Variants in NALF1 observed in about 807,000 individuals in gnomAD.
NALF1 encodes family with sequence similarity 155 member A.
In NALF1, 3 loss-of-function variants were observed where a neutral mutation model predicts 48.4. The observed-to-expected ratio is 0.06, with a 90% confidence interval of 0.03 to 0.16. The LOEUF is 0.16. Ranked by LOEUF, NALF1 falls within the 10% of genes least tolerant of loss-of-function variation. NALF1 has a pLI of 1.00. For synonymous variants in NALF1, 262 were observed against 245.7 expected (o/e 1.07, Z -0.62); for missense variants, 526 against 571.5 (o/e 0.92, Z 0.81).
At chr13:107,714,612 G>A (rs1191407744) in intron 1 of NALF1, among the ~76,000 whole-genome samples, 1 of 75,360 alleles carries the variant, frequency 1.3e-5, no homozygotes, top group African/African-American at 4.4e-5. Context: ...CTGGGTGACA[G>A]AGTGAGGCTT....
chr13:107,250,771 A>T (rs924339315), intron 1 of NALF1, among the ~76,000 whole-genome samples: 4 of 152,040 alleles, frequency 2.6e-5, no homozygotes, highest in African/African-American at 4.8e-5. Flanking sequence ...GTGTTGGAGG[A>T]GGGGCCTAGT....
rs1052843325 is a variant in NALF1, at chr13:107,454,972, C to T, written c.916-244217G>A. Among the ~76,000 whole-genome samples, 5 of 152,102 alleles carry T rather than the reference C, an allele frequency of 3.3e-5. No homozygotes were observed. In the East Asian group the frequency reaches 9.6e-4, roughly 29 times the overall value. The stretch of plus-strand genomic sequence containing the variant: ...ATTGATATGGTTCGACTTTGTGTCC[C>T]ACCCACATTTCATCTCAAACATTAA... On this transcript the variant is annotated intron_variant, in intron 1 of 2. Transcript: ENST00000375915.
At chr13:107,739,337 T>A (rs1307098114) in intron 1 of NALF1, among the ~76,000 whole-genome samples, 1 of 148,844 alleles carries the variant, frequency 6.7e-6, no homozygotes, top group African/African-American at 2.4e-5. Flanking sequence ...AAAATATATA[T>A]ATTTTTCATA....
At chr13:107,681,433 C>G (rs1332079508) in intron 1 of NALF1, among the ~76,000 whole-genome samples, 1 of 152,018 alleles carries the variant, frequency 6.6e-6, no homozygotes, top group African/African-American at 2.4e-5. Flanking sequence ...CTGTCGCTCC[C>G]TAATTGCCCT....
intron 2 of NALF1, among the ~76,000 whole-genome samples, chr13:107,189,440 T>C (rs1433774819): frequency 1.3e-5 from 2 of 152,202 alleles, no homozygotes; most frequent in Admixed American, 6.5e-5. Flanking sequence ...CCCCCTCTAA[T>C]GAACCCTTAG....
chr13:107,186,178 C>T (rs1016228971), intron 2 of NALF1, among the ~76,000 whole-genome samples: 4 of 152,090 alleles, frequency 2.6e-5, no homozygotes, highest in Non-Finnish European at 5.9e-5. Context: ...TTGGTACTAA[C>T]TATACATAGC....
chr13:107,448,139 T>C (rs1166922258), intron 1 of NALF1, among the ~76,000 whole-genome samples: 3 of 152,180 alleles, frequency 2.0e-5, no homozygotes, highest in Non-Finnish European at 2.9e-5. Flanking sequence ...CTGCTCTTTC[T>C]TGAGTTCTAC....
chr13:107,734,455 G>T (rs1876408143), intron 1 of NALF1, among the ~76,000 whole-genome samples: 1 of 151,430 alleles, frequency 6.6e-6, no homozygotes. Context: ...AAAGAACCCA[G>T]AGTTAGATGC....
At chr13:107,733,416 T>G (rs1430528325) in intron 1 of NALF1, among the ~76,000 whole-genome samples, 1 of 152,204 alleles carries the variant, frequency 6.6e-6, no homozygotes, top group Non-Finnish European at 1.5e-5. Flanking sequence ...CAGAATGGCT[T>G]AAATCTTAGT....
chr13:107,540,681 T>C lies in NALF1; in HGVS notation c.915+325001A>G, dbSNP rs1044055957. ...ATTAGGAGTAAAAATCATTTAGTCT[T>C]CTCCTGCACTCTAAACATTTTATAC... On this transcript the variant is annotated intron_variant, in intron 1 of 2. Transcript: ENST00000375915. Among the ~76,000 whole-genome samples the C allele has an allele frequency of 2.6e-5, 4 of 152,094 alleles. No homozygotes were observed. The East Asian group carries it at 7.7e-4, about 29-fold the overall frequency.
At chr13:107,649,310 C>T (rs1249496366) in intron 1 of NALF1, among the ~76,000 whole-genome samples, 1 of 152,106 alleles carries the variant, frequency 6.6e-6, no homozygotes, top group African/African-American at 2.4e-5. Context: ...TTGAGTCATA[C>T]CTCTGTAGAT....
intron 1 of NALF1, among the ~76,000 whole-genome samples, chr13:107,742,136 G>A (rs1362896911): frequency 2.0e-5 from 3 of 152,336 alleles, no homozygotes; most frequent in Non-Finnish European, 4.4e-5. Context: ...GGGATCCAGT[G>A]CCTTAGCCTT....
In NALF1 at chr13:107,166,007, T is replaced by C. The variant is rs1878649994; in HGVS notation, c.*4490A>G. The C allele has an allele frequency of 1.9e-5, 1 of 52,272 alleles. No homozygotes were observed. The allele number at this position is 52,272 out of a possible 1,614,324, so 3.2% of individuals were successfully genotyped here. On this transcript the variant is annotated 3_prime_UTR_variant, in exon 3 of 3. Transcript: ENST00000375915. ...TGGTTGAAGTTTTATTTGCAAGCGA[T>C]GTGTGTGTGTGTGTGTGTGTGTGTG...
chr13:107,230,510 T>C (rs150428401), intron 1 of NALF1, among the ~76,000 whole-genome samples: 75 of 152,240 alleles, frequency 4.9e-4, no homozygotes, highest in African/African-American at 1.8e-3. Context: ...ATTATTATTA[T>C]TATTATTTTT....
intron 1 of NALF1, among the ~76,000 whole-genome samples, chr13:107,670,106 T>G (rs1880955159): frequency 6.6e-6 from 1 of 152,152 alleles, no homozygotes; most frequent in Admixed American, 6.6e-5. Flanking sequence ...AGAGTCACAT[T>G]AAAATTACTG....
At chr13:107,221,264 C>T (rs1277555380) in intron 1 of NALF1, among the ~76,000 whole-genome samples, 1 of 152,018 alleles carries the variant, frequency 6.6e-6, no homozygotes, top group African/African-American at 2.4e-5. Flanking sequence ...ACCACTTGCA[C>T]CACTAAAGCT....
In NALF1 at chr13:107,592,698, T is replaced by C. The variant is rs992310948; in HGVS notation, c.915+272984A>G. ...AGAAAACATTTACTCATTTTTTGGTTGTTATCATCAACTTCTAAAATTCAG... is the reference window on the plus strand; with the variant it reads ...AGAAAACATTTACTCATTTTTTGGTCGTTATCATCAACTTCTAAAATTCAG... On this transcript the variant is annotated intron_variant, in intron 1 of 2. Coordinates refer to ENST00000375915, the MANE Select transcript of NALF1 (RefSeq NM_001080396.3). Among the ~76,000 whole-genome samples, 11 of 152,058 alleles carry C rather than the reference T, an allele frequency of 7.2e-5. No individual in the cohort carries two copies. The East Asian group carries it at 2.1e-3, about 29-fold the overall frequency.
chr13:107,541,281 T>C (rs1876991647), intron 1 of NALF1, among the ~76,000 whole-genome samples: 1 of 152,150 alleles, frequency 6.6e-6, no homozygotes, highest in African/African-American at 2.4e-5. Flanking sequence ...AAGAGGCTGT[T>C]CCAGCATGGA....
intron 1 of NALF1, among the ~76,000 whole-genome samples, chr13:107,857,339 A>G (rs985754944): frequency 1.2e-4 from 19 of 152,232 alleles, no homozygotes; most frequent in Admixed American, 9.2e-4. Flanking sequence ...TACAAAGCTG[A>G]AAATCTAGGG....
Sources: allele counts gnomAD v4.1 joint callset (sites outside exome capture counted in the v4.1 genomes callset), GRCh38; gene constraint gnomAD v4.1.1; transcripts MANE v1.5; gene names NCBI Gene and HGNC (gene_info 2026-07-23, HGNC 2026-07-21).